The following KIF6 variants were observed in gnomAD, a reference collection of about 807,000 sequenced individuals.
The protein encoded by KIF6 is kinesin family member 6.
KIF6 carries 106 observed loss-of-function variants against 112.7 expected under a neutral mutation model. The ratio of observed to expected loss-of-function variants is 0.94; its 90% CI spans 0.80 to 1.11. The LOEUF (loss-of-function observed/expected upper bound fraction) is 1.11, where lower values mean the gene tolerates loss of function less well. Ranked by LOEUF, KIF6 falls within the 50% of genes least tolerant of loss-of-function variation. The pLI, the probability that KIF6 is intolerant of heterozygous loss-of-function variation, is 0.00. For missense variants in KIF6, 929 were observed against 964.0 expected (o/e 0.96, Z 0.48); for synonymous variants, 339 against 339.9 (o/e 1.00, Z 0.03).
At chr6:39,446,727 T>C (rs1289097277) in intron 13 of KIF6, among the ~76,000 whole-genome samples, 2 of 152,196 alleles carry the variant, frequency 1.3e-5, no homozygotes, top group Non-Finnish European at 2.9e-5. Flanking sequence ...TGACTTCAGA[T>C]GATCCACCAG....
intron 20 of KIF6, 61 bp downstream of exon 20, chr6:39,346,415 T>C (rs916015197): frequency 2.5e-5 from 18 of 716,378 alleles, no homozygotes; most frequent in Non-Finnish European, 4.2e-5. Context: ...CCTTGCCCCT[T>C]CCACCATGTG....
At chr6:39,454,550 A>C (rs1387949420) in intron 13 of KIF6, among the ~76,000 whole-genome samples, 1 of 151,596 alleles carries the variant, frequency 6.6e-6, no homozygotes, top group African/African-American at 2.4e-5. Flanking sequence ...AAAAAAAAAA[A>C]AAGATCGAGC....
chr6:39,675,196 G>A lies in KIF6; in HGVS notation c.252-35439C>T, dbSNP rs73732177. ...TGGGGCACACATAGGAGTGTGGGAT[G>A]GAGAAAGAAGGCTGACATCAGAAAC... On this transcript the variant is annotated intron_variant, in intron 3 of 22. Transcript: ENST00000287152. 9.2e-4 allele frequency among the ~76,000 whole-genome samples: 140 copies of A among 152,258 alleles called. 1 individual carries two copies. Among genetic ancestry groups the A allele is most frequent in the Middle Eastern group, 6.8e-3 (2 of 294 alleles).
chr6:39,525,753 T>A (rs560463747), intron 13 of KIF6, among the ~76,000 whole-genome samples: 1 of 151,904 alleles, frequency 6.6e-6, no homozygotes, highest in Non-Finnish European at 1.5e-5. Context: ...GATGGCTCCA[T>A]TGCACTTCAG....
chr6:39,360,851 A>G (rs1039600308), intron 17 of KIF6, among the ~76,000 whole-genome samples: 2 of 152,238 alleles, frequency 1.3e-5, no homozygotes, highest in Non-Finnish European at 2.9e-5. Context: ...GGCACTCAAC[A>G]TATATAAACT....
At chr6:39,381,224 C>T (rs542033158) in intron 16 of KIF6, among the ~76,000 whole-genome samples, 48 of 152,326 alleles carry the variant, frequency 3.2e-4, no homozygotes, top group Non-Finnish European at 6.2e-4. Flanking sequence ...TTGCTCATCA[C>T]CCTTCCCCAC....
At chr6:39,477,643 A>G (rs1774515571) in intron 13 of KIF6, among the ~76,000 whole-genome samples, 1 of 152,210 alleles carries the variant, frequency 6.6e-6, no homozygotes, top group African/African-American at 2.4e-5. Flanking sequence ...CTGGTGGATC[A>G]CAAGGTCAAG....
rs548086222 is a variant in KIF6, at chr6:39,680,917, T to C, written c.251+33775A>G. Among the ~76,000 whole-genome samples the C allele has an allele frequency of 7.2e-5, 11 of 152,298 alleles. No homozygotes were observed. The South Asian group carries it at 2.3e-3, about 32-fold the overall frequency. On this transcript the variant is annotated intron_variant, in intron 3 of 22. Coordinates refer to ENST00000287152, the MANE Select transcript of KIF6 (RefSeq NM_145027.6). ...AATAAAACACAGTGCTTGTCTTTAG[T>C]ATGGTCAGTGTACAGGACACAGGCA...
At chr6:39,436,526 C>A (rs1581853802) in intron 13 of KIF6, among the ~76,000 whole-genome samples, 1 of 151,686 alleles carries the variant, frequency 6.6e-6, no homozygotes, top group Admixed American at 6.6e-5. Flanking sequence ...TTTAATCCAT[C>A]TTGAGTTAAT....
In KIF6 at chr6:39,341,621, C is replaced by T. The variant is rs1164400151; in HGVS notation, c.2428+2088G>A. Among the ~76,000 whole-genome samples, 4 of 152,174 alleles carry T rather than the reference C, an allele frequency of 2.6e-5. No individual in the cohort carries two copies. In the South Asian group the frequency reaches 6.2e-4, roughly 24 times the overall value. Reference sequence around the variant, plus strand: ...CTCCACTGATGCTCACCTGTCTACTCGACACCTCCTCTTGGACATCAAATG... The same window carrying T: ...CTCCACTGATGCTCACCTGTCTACTTGACACCTCCTCTTGGACATCAAATG... On this transcript the variant is annotated intron_variant, in intron 22 of 22. Transcript: ENST00000287152.
chr6:39,428,568 G>A (rs188722021), intron 14 of KIF6, among the ~76,000 whole-genome samples: 7 of 152,010 alleles, frequency 4.6e-5, no homozygotes, highest in Admixed American at 6.5e-5. Flanking sequence ...TGTTTTATTC[G>A]TTTATTCATT....
intron 19 of KIF6, among the ~76,000 whole-genome samples, chr6:39,356,275 C>CT (rs1206487444): frequency 0.018 from 2,692 of 145,530 alleles, 73 homozygotes; most frequent in African/African-American, 0.061. Context: ...ACACCTTCTT[C>CT]TTTTTTTTTT....
At chr6:39,344,542 C>G (rs753086664) in intron 21 of KIF6, among the ~76,000 whole-genome samples, 48 of 152,308 alleles carry the variant, frequency 3.2e-4, no homozygotes, top group Admixed American at 8.5e-4. Context: ...GCCTCAGGGC[C>G]TTTGCTCTGA....
intron 14 of KIF6, among the ~76,000 whole-genome samples, chr6:39,429,973 C>T (rs936796952): frequency 6.6e-6 from 1 of 152,154 alleles, no homozygotes; most frequent in Non-Finnish European, 1.5e-5. Context: ...TTCTCACTCG[C>T]TCCTCCATGC....
chr6:39,468,145 C>T (rs936786403), intron 13 of KIF6, among the ~76,000 whole-genome samples: 5 of 150,638 alleles, frequency 3.3e-5, no homozygotes, highest in African/African-American at 1.2e-4. Context: ...GAAGATAGAT[C>T]ATTAGAGATT....
Position 39,357,277 on chromosome 6 carries a change from C to A in KIF6, c.2180G>T (p.Ser727Ile). 6.2e-7 allele frequency: 1 copy of A among 1,608,066 alleles called. No individual in the cohort carries two copies. The highest frequency in any genetic ancestry group is 1.1e-5 in the South Asian group (1 of 90,684). Residue 727 changes from serine to isoleucine, a missense_variant and splice_region_variant, in exon 19 of 23, where the codon AGT becomes ATT. This residue lies in a region of KIF6 where 241 missense variants were observed against 301.4 expected (regional missense o/e 0.80). Coordinates refer to ENST00000287152, the MANE Select transcript of KIF6 (RefSeq NM_145027.6). ...HEWSQLLSNK[S>I]SGGWEVQDQG... ...CACCTCCGGTGAGTTCTCACCTTAC[C>A]TTTTGTTAGAGAGGAGTTGGGACCA...
intron 15 of KIF6, among the ~76,000 whole-genome samples, chr6:39,411,879 A>C (rs1309810941): frequency 1.3e-5 from 2 of 152,180 alleles, no homozygotes; most frequent in Non-Finnish European, 2.9e-5. Context: ...TGTGCCATGG[A>C]TAGAGGTGGT....
At chr6:39,540,305 T>G in intron 12 of KIF6, 84 bp from the exon 13 acceptor site, 2 of 862,764 alleles carry the variant, frequency 2.3e-6, no homozygotes, top group Non-Finnish European at 3.6e-6. Flanking sequence ...TTAATGTTCC[T>G]AACATTTGCT....
At chr6:39,523,632 C>A in intron 13 of KIF6, among the ~76,000 whole-genome samples, 1 of 122,232 alleles carries the variant, frequency 8.2e-6, no homozygotes. Flanking sequence ...CTTCCCTCCC[C>A]TATTAATTCT....
Sources: allele counts gnomAD v4.1 joint callset (sites outside exome capture counted in the v4.1 genomes callset), GRCh38; gene constraint gnomAD v4.1.1; regional missense constraint gnomAD v4.1.1; transcripts MANE v1.5; gene names NCBI Gene and HGNC (gene_info 2026-07-23, HGNC 2026-07-21).